Variants in SLC14A2 observed in about 807,000 individuals in gnomAD.
The protein encoded by SLC14A2 is solute carrier family 14 member 2, also known as urea transporter 2.
Under a neutral mutation model 104.6 loss-of-function variants are expected in SLC14A2, and 91 were observed. The observed-to-expected ratio is 0.87, with a 90% CI of 0.73 to 1.04. The LOEUF is 1.04. SLC14A2 is among the 50% of genes least tolerant of loss of function. SLC14A2 has a pLI of 0.00. For missense variants in SLC14A2, 1,189 were observed against 1,156.0 expected, an observed-to-expected ratio of 1.03 and a Z score of -0.41; for synonymous variants, 476 against 466.4, an observed-to-expected ratio of 1.02 and a Z score of -0.27.
chr18:45,611,038 G>A (rs867038850), upstream of SLC14A2, among the ~76,000 whole-genome samples: 1 of 152,198 alleles, frequency 6.6e-6, no homozygotes, highest in Non-Finnish European at 1.5e-5. Flanking sequence ...ACACCCAGGT[G>A]CTCCACTAGG....
intron 10 of SLC14A2, among the ~76,000 whole-genome samples, chr18:45,654,411 T>C (rs1301238758): frequency 8.5e-5 from 13 of 152,092 alleles, no homozygotes; most frequent in Admixed American, 8.5e-4. Context: ...ATGATCTAGA[T>C]TCCTCCTACT....
chr18:45,645,982 A>G (rs1255133469), intron 10 of SLC14A2, among the ~76,000 whole-genome samples: 1 of 152,196 alleles, frequency 6.6e-6, no homozygotes, highest in Non-Finnish European at 1.5e-5. Context: ...GACAGCATGA[A>G]GACCCTCAGG....
At chr18:45,310,951 C>T (rs1253447863) in intron 1 of SLC14A2, among the ~76,000 whole-genome samples, 2 of 152,072 alleles carry the variant, frequency 1.3e-5, no homozygotes, top group Non-Finnish European at 2.9e-5. Flanking sequence ...CCTAGAGGGG[C>T]CTGGGACAAT....
At chr18:45,582,066 A>C (rs72904500) in intron 2 of SLC14A2, among the ~76,000 whole-genome samples, 13,088 of 152,246 alleles carry the variant, frequency 0.086, 752 homozygotes, top group Non-Finnish European at 0.13. Flanking sequence ...GAACAATGAG[A>C]TATAGATGAA....
At position 45,285,179 on chromosome 18, in the gene SLC14A2, C is replaced by T. The variant is rs71356482; in HGVS notation, c.-125+71988C>T. Among the ~76,000 whole-genome samples, 513 of 152,236 alleles carry T rather than the reference C, an allele frequency of 3.4e-3. 4 individuals carry two copies. The highest frequency in any genetic ancestry group is 0.01 in the African/African-American group (435 of 41,542). On this transcript the variant is annotated intron_variant, in intron 1 of 20. Coordinates refer to the SLC14A2 transcript ENST00000586448. ...ATACATTCTATTGGTAGAATAGAGA[C>T]AGACTATAGAGGATCTATATTGGTT...
chr18:45,531,447 C>T (rs1232840442), intron 2 of SLC14A2, among the ~76,000 whole-genome samples: 1 of 152,194 alleles, frequency 6.6e-6, no homozygotes, highest in African/African-American at 2.4e-5. Context: ...TCTCTGATGG[C>T]CAGTGATGAT....
intron 1 of SLC14A2, among the ~76,000 whole-genome samples, chr18:45,310,396 G>A (rs1009612296): frequency 1.3e-5 from 2 of 152,058 alleles, no homozygotes; most frequent in Admixed American, 1.3e-4. Flanking sequence ...CATTGTTTTG[G>A]GCAAAACAGG....
chr18:45,521,258 G>A (rs989690391), intron 2 of SLC14A2, among the ~76,000 whole-genome samples: 1 of 152,226 alleles, frequency 6.6e-6, no homozygotes, highest in Non-Finnish European at 1.5e-5. Context: ...AGTTGTGCTA[G>A]GCACTGAGTC....
At chr18:45,213,836 G>A (rs113784236) in intron 1 of SLC14A2, among the ~76,000 whole-genome samples, 175 of 152,306 alleles carry the variant, frequency 1.1e-3, no homozygotes, top group Non-Finnish European at 2.2e-3. Flanking sequence ...ATCAACCCAT[G>A]ATTCTCGCTT....
chr18:45,587,054 C>T (rs1778265622), intron 2 of SLC14A2, among the ~76,000 whole-genome samples: 1 of 151,938 alleles, frequency 6.6e-6, no homozygotes, highest in Non-Finnish European at 1.5e-5. Context: ...GTTGTGCGAT[C>T]GCAGCTCACT....
intron 1 of SLC14A2, among the ~76,000 whole-genome samples, chr18:45,227,467 G>T (rs887068589): frequency 1.3e-5 from 2 of 152,196 alleles, no homozygotes; most frequent in Non-Finnish European, 2.9e-5. Context: ...CCAGCATTTG[G>T]TCTGGTGAGA....
At chr18:45,534,083 A>G (rs1227929464) in intron 2 of SLC14A2, among the ~76,000 whole-genome samples, 1 of 152,202 alleles carries the variant, frequency 6.6e-6, no homozygotes. Flanking sequence ...TCTAGGGAAC[A>G]GAGAGGTATG....
At chr18:45,310,624 A>G (rs2085068917) in intron 1 of SLC14A2, among the ~76,000 whole-genome samples, 1 of 152,244 alleles carries the variant, frequency 6.6e-6, no homozygotes, top group Admixed American at 6.5e-5. Context: ...ATGTATTTGC[A>G]TGTGTTAATG....
In SLC14A2 at chr18:45,680,999, G is replaced by A. The variant is rs567232739; in HGVS notation, c.2563-1320G>A. Among the ~76,000 whole-genome samples the A allele has an allele frequency of 2.6e-5, 4 of 151,920 alleles. No individual in the cohort carries two copies. The South Asian group carries it at 8.3e-4, about 31-fold the overall frequency. ...GACGCACCCAACGGTGCCATCTCTGGACACACACATGACTGGCATTGTTAC... is the reference window on the plus strand; with the variant it reads ...GACGCACCCAACGGTGCCATCTCTGAACACACACATGACTGGCATTGTTAC... On this transcript the variant is annotated intron_variant, in intron 19 of 19. Transcript: ENST00000255226.
At chr18:45,328,641 C>T (rs2085259537) in intron 1 of SLC14A2, among the ~76,000 whole-genome samples, 1 of 152,144 alleles carries the variant, frequency 6.6e-6, no homozygotes, top group African/African-American at 2.4e-5. Context: ...CCCAGAAAAT[C>T]TTCCTTCTCT....
At chr18:45,360,360 G>C (rs1002235616) in intron 1 of SLC14A2, among the ~76,000 whole-genome samples, 3 of 152,170 alleles carry the variant, frequency 2.0e-5, no homozygotes, top group African/African-American at 7.2e-5. Context: ...CTATTTCTTT[G>C]TGTCCCCATA....
chr18:45,248,796 G>GT (rs1257519983), intron 1 of SLC14A2, among the ~76,000 whole-genome samples: 1 of 152,166 alleles, frequency 6.6e-6, no homozygotes, highest in Non-Finnish European at 1.5e-5. Flanking sequence ...AACTTCAACG[G>GT]TATTCTGGCT....
At chr18:45,411,955 A>G (rs1189541957) in intron 1 of SLC14A2, among the ~76,000 whole-genome samples, 1 of 152,178 alleles carries the variant, frequency 6.6e-6, no homozygotes, top group Admixed American at 6.6e-5. Flanking sequence ...TCCTCCATGA[A>G]CACATGCACT....
At chr18:45,401,728 G>A (rs1269828814) in intron 1 of SLC14A2, among the ~76,000 whole-genome samples, 1 of 152,188 alleles carries the variant, frequency 6.6e-6, no homozygotes, top group Non-Finnish European at 1.5e-5. Flanking sequence ...TACAGAAGTT[G>A]TTTCAGGGGC....
Sources: gnomAD v4.1 joint callset for allele counts (sites outside exome capture counted in the v4.1 genomes callset) on GRCh38, gnomAD v4.1.1 for gene constraint, MANE v1.5 for transcripts, NCBI Gene and HGNC (gene_info 2026-07-23, HGNC 2026-07-21) for gene names.